The following SMC1B variants were observed in gnomAD, a reference collection of about 807,000 sequenced individuals.
SMC1B encodes structural maintenance of chromosomes protein 1B.
In SMC1B, 60 loss-of-function variants were observed where a neutral mutation model predicts 157.9. That is an observed-to-expected ratio of 0.38 (90% CI 0.31 to 0.47). The LOEUF (loss-of-function observed/expected upper bound fraction) is 0.47, where lower values mean the gene tolerates loss of function less well. Among genes scored for constraint, SMC1B ranks in the 20% least tolerant of loss-of-function variants. The pLI, the probability that SMC1B is intolerant of heterozygous loss-of-function variation, is 0.99. For missense variants in SMC1B, 1,165 were observed against 1,426.2 expected (o/e 0.82, Z 2.95); for synonymous variants, 445 against 483.0 (o/e 0.92, Z 1.03).
intron 7 of SMC1B, among the ~76,000 whole-genome samples, chr22:45,395,159 G>GA (rs1569194371): frequency 6.6e-6 from 1 of 152,182 alleles, no homozygotes; most frequent in African/African-American, 2.4e-5. Context: ...AAATAAGCAG[G>GA]AAAGAGTCCC....
At position 45,386,915 on chromosome 22, in the gene SMC1B, A is replaced by T. The variant is rs2086995616; in HGVS notation, c.1863T>A (p.Thr621=). Reference sequence around the variant, plus strand: ...GTGCAATATGCCTTGCTTCTTCCATAGTCTCACAAACAAGACCATTTCCAC... The same window carrying T: ...GTGCAATATGCCTTGCTTCTTCCATTGTCTCACAAACAAGACCATTTCCAC... ...FVCGNGLVCE[T]MEEARHIALS... is the part of the protein sequence containing the mutation. The change falls in exon 11 of 25, where the codon ACT becomes ACA. Residue 621 remains threonine, a synonymous_variant. Transcript: ENST00000357450. The T allele has an allele frequency of 1.9e-6, 3 of 1,614,070 alleles. No homozygotes were observed. Among genetic ancestry groups the T allele is most frequent in the Non-Finnish European group, 2.5e-6 (3 of 1,179,992 alleles).
At chr22:45,348,524 G>T (rs2086574505) in intron 23 of SMC1B, among the ~76,000 whole-genome samples, 1 of 152,166 alleles carries the variant, frequency 6.6e-6, no homozygotes, top group South Asian at 2.1e-4. Context: ...GTTATTAGGG[G>T]TTCTCTAATT....
intron 5 of SMC1B, among the ~76,000 whole-genome samples, chr22:45,401,116 G>A (rs965689427): frequency 1.2e-4 from 18 of 152,160 alleles, no homozygotes; most frequent in Admixed American, 9.2e-4. Context: ...TTTAGTTAAT[G>A]TATCAATATT....
At chr22:45,383,364 C>T (rs1395265268) in intron 12 of SMC1B, 103 bp downstream of exon 12, 3 of 764,614 alleles carry the variant, frequency 3.9e-6, no homozygotes, top group Non-Finnish European at 5.9e-6. Flanking sequence ...ATTATTTGAA[C>T]TCTTAAACTA....
chr22:45,382,384 G>A, intron 12 of SMC1B, among the ~76,000 whole-genome samples: 1 of 152,272 alleles, frequency 6.6e-6, no homozygotes, highest in South Asian at 2.1e-4. Flanking sequence ...CTGACTGTAT[G>A]AATCCATTTA....
At chr22:45,406,953 C>A in intron 2 of SMC1B, 88 bp from the exon 3 acceptor site, 1 of 942,706 alleles carries the variant, frequency 1.1e-6, no homozygotes, top group Non-Finnish European at 1.5e-6. Context: ...AATTATTTTT[C>A]TTATTGAAAT....
chr22:45,397,006 C>T (rs939047546), intron 6 of SMC1B, among the ~76,000 whole-genome samples: 2 of 152,094 alleles, frequency 1.3e-5, no homozygotes, highest in African/African-American at 4.8e-5. Context: ...ATGTAATCGA[C>T]AAACAACCAC....
At chr22:45,378,840 A>T (rs900977680) in intron 12 of SMC1B, among the ~76,000 whole-genome samples, 7 of 152,224 alleles carry the variant, frequency 4.6e-5, no homozygotes, top group African/African-American at 1.7e-4. Flanking sequence ...TTATTCAATT[A>T]AATTGTAAGT....
chr22:45,344,398 T>G lies in SMC1B; in HGVS notation c.*158A>C. On this transcript the variant is annotated 3_prime_UTR_variant, in exon 25 of 25. Transcript: ENST00000357450. ...CTAGAATGAGGTCTGAACACTCAAC[T>G]AAAGTGAGCCACAGCCTCTTTGGCT... is the stretch of plus-strand genomic sequence containing the variant. 1.9e-6 allele frequency: 1 copy of G among 532,072 alleles called. No individual in the cohort carries two copies. 33.0% of individuals were successfully genotyped at this position (532,072 alleles called of 1,614,324 possible).
chr22:45,393,798 C>G lies in SMC1B; in HGVS notation c.1381G>C (p.Asp461His). 6.2e-7 allele frequency: 1 copy of G among 1,613,130 alleles called. No homozygotes were observed. The highest frequency in any genetic ancestry group is 8.5e-7 in the Non-Finnish European group (1 of 1,179,396). Residue 461 changes from aspartate (D) to histidine (H), a missense_variant, in exon 9 of 25, where the codon GAT becomes CAT. Physicochemically the swap from Asp to His is moderately conservative, Grantham distance 81 (BLOSUM62 -1). Transcript: ENST00000357450. Reference protein sequence around the residue: ...EKKQQEETLVDEIEKTKSRMS... With the variant: ...EKKQQEETLVHEIEKTKSRMS... ...CTTGATTTTGTTTTTTCAATTTCATCCACTAGGGTTTCCTCTTGCTGTTTT... is the reference window on the plus strand; with the variant it reads ...CTTGATTTTGTTTTTTCAATTTCATGCACTAGGGTTTCCTCTTGCTGTTTT...
chr22:45,409,347 T>G (rs966259968), intron 1 of SMC1B, among the ~76,000 whole-genome samples: 1 of 152,142 alleles, frequency 6.6e-6, no homozygotes, highest in Non-Finnish European at 1.5e-5. Context: ...GCAGATCACC[T>G]GAGGTCAAGA....
Position 45,409,291 on chromosome 22 carries a change from C to T in SMC1B, c.110-393G>A, listed in dbSNP as rs923153333. ...AAAAAAGAGAGGCTAAGGCTGGACGCGGTGGCTCATGCCTATAATCCTAGC... is the reference window on the plus strand; with the variant it reads ...AAAAAAGAGAGGCTAAGGCTGGACGTGGTGGCTCATGCCTATAATCCTAGC... On this transcript the variant is annotated intron_variant, in intron 1 of 24. Coordinates refer to ENST00000357450, the MANE Select transcript of SMC1B (RefSeq NM_148674.5). 3.9e-5 allele frequency among the ~76,000 whole-genome samples: 6 copies of T among 152,108 alleles called. No individual in the cohort carries two copies. In the South Asian group the frequency reaches 6.2e-4, roughly 16 times the overall value.
intron 19 of SMC1B, 93 bp downstream of exon 19, chr22:45,358,604 A>G (rs1186295357): frequency 2.8e-5 from 22 of 794,708 alleles, no homozygotes; most frequent in Non-Finnish European, 4.3e-5. Context: ...TTTAAAAAAA[A>G]ACAAACTTAA....
chr22:45,402,121 G>A (rs574236824), intron 5 of SMC1B, among the ~76,000 whole-genome samples: 2 of 152,152 alleles, frequency 1.3e-5, no homozygotes, highest in East Asian at 3.9e-4. Context: ...CTTACCTCGT[G>A]ATCCACCTGC....
intron 5 of SMC1B, among the ~76,000 whole-genome samples, chr22:45,399,790 T>C (rs949711272): frequency 6.6e-6 from 1 of 152,212 alleles, no homozygotes; most frequent in Non-Finnish European, 1.5e-5. Flanking sequence ...GAGTGGAGTC[T>C]GTAAGACTAA....
rs1049262035 is a variant in SMC1B, at chr22:45,413,591, C to G, written c.-24G>C. ...ATGGCGCCGCCCTCCACGCCTCACC[C>G]GCGTTATCAAGCGCCCGCGGAAAAA... On this transcript the variant is annotated 5_prime_UTR_variant, in exon 1 of 25. Coordinates refer to ENST00000357450, the MANE Select transcript of SMC1B (RefSeq NM_148674.5). The G allele has an allele frequency of 3.8e-6, 6 of 1,577,376 alleles. No individual in the cohort carries two copies. Among genetic ancestry groups the G allele is most frequent in the Non-Finnish European group, 4.3e-6 (5 of 1,159,350 alleles).
At chr22:45,359,710 C>T in intron 18 of SMC1B, 95 bp downstream of exon 18, 1 of 1,384,152 alleles carries the variant, frequency 7.2e-7, no homozygotes, top group South Asian at 1.4e-5. Flanking sequence ...TTCACCACCC[C>T]TAAAGGGGCT....
intron 15 of SMC1B, among the ~76,000 whole-genome samples, chr22:45,367,166 A>G (rs936404982): frequency 2.0e-5 from 3 of 151,948 alleles, no homozygotes; most frequent in South Asian, 2.1e-4. Flanking sequence ...CCCGTTTGCT[A>G]TTGTTTCTTG....
At chr22:45,392,097 C>A (rs1270626753) in intron 9 of SMC1B, among the ~76,000 whole-genome samples, 1 of 152,276 alleles carries the variant, frequency 6.6e-6, no homozygotes, top group African/African-American at 2.4e-5. Context: ...TAGGCATGCA[C>A]CACCACGCCC....
Sources: allele counts gnomAD v4.1 joint callset (sites outside exome capture counted in the v4.1 genomes callset), GRCh38; gene constraint gnomAD v4.1.1; transcripts MANE v1.5; gene names NCBI Gene and HGNC (gene_info 2026-07-23, HGNC 2026-07-21).